ASIC2: variants seen among roughly 807,000 people sequenced by gnomAD.
ASIC2 encodes acid sensing ion channel subunit 2.
ASIC2 carries 25 observed loss-of-function variants against 57.3 expected under a neutral mutation model. The observed-to-expected ratio is 0.44, with a 90% CI of 0.32 to 0.61. ASIC2 has a LOEUF of 0.61. Ranked by LOEUF, ASIC2 falls within the 20% of genes least tolerant of loss-of-function variation. ASIC2 has a pLI of 0.06. For missense variants in ASIC2, 641 were observed against 738.1 expected (o/e 0.87, Z 1.52); for synonymous variants, 319 against 307.5 (o/e 1.04, Z -0.39).
chr17:33,534,894 A>G (rs1196574953), intron 1 of ASIC2, among the ~76,000 whole-genome samples: 4 of 152,226 alleles, frequency 2.6e-5, no homozygotes, highest in Non-Finnish European at 5.9e-5. Context: ...GAAAATCAGG[A>G]GGTTGGAATG....
At chr17:33,468,320 C>T (rs1369638597) in intron 1 of ASIC2, among the ~76,000 whole-genome samples, 2 of 152,246 alleles carry the variant, frequency 1.3e-5, no homozygotes, top group East Asian at 1.9e-4. Flanking sequence ...TCCATGTTCT[C>T]CCCTCTGTAT....
At chr17:33,398,851 T>G (rs1910177095) in intron 1 of ASIC2, among the ~76,000 whole-genome samples, 1 of 152,166 alleles carries the variant, frequency 6.6e-6, no homozygotes, top group Non-Finnish European at 1.5e-5. Context: ...AACTCAAGTC[T>G]TATTGTCCAG....
At chr17:33,980,415 C>T (rs551524884) in intron 1 of ASIC2, among the ~76,000 whole-genome samples, 9 of 151,640 alleles carry the variant, frequency 5.9e-5, no homozygotes, top group Admixed American at 2.0e-4. Context: ...ACTCAGTGGG[C>T]GAGAAGAAAG....
rs1245512298 is a variant in ASIC2 at position 34,039,297 on chromosome 17, C to A, written c.555+116681G>T. 5 of 1,613,924 alleles carry A rather than the reference C, an allele frequency of 3.1e-6. No individual in the cohort carries two copies. In the East Asian group the frequency reaches 8.9e-5, roughly 29 times the overall value. Reference sequence around the variant, plus strand: ...TCTGTTTTTGGGAGCTGCAGGAATGCTCTGTGTTGCCAGATCCCGTAGATG... The same window carrying A: ...TCTGTTTTTGGGAGCTGCAGGAATGATCTGTGTTGCCAGATCCCGTAGATG... On this transcript the variant is annotated intron_variant, in intron 1 of 9. Transcript: ENST00000359872.
intron 1 of ASIC2, among the ~76,000 whole-genome samples, chr17:33,131,207 C>T (rs2092344838): frequency 6.6e-6 from 1 of 152,062 alleles, no homozygotes; most frequent in Non-Finnish European, 1.5e-5. Context: ...CCACTGGAGG[C>T]TCATATTTCT....
chr17:33,104,078 T>C, intron 2 of ASIC2, among the ~76,000 whole-genome samples: 1 of 152,212 alleles, frequency 6.6e-6, no homozygotes, highest in Non-Finnish European at 1.5e-5. Context: ...CTCAGCCTCG[T>C]GTAATCTGCC....
chr17:33,097,181 C>T (rs2092184940), intron 2 of ASIC2, among the ~76,000 whole-genome samples: 1 of 152,158 alleles, frequency 6.6e-6, no homozygotes, highest in African/African-American at 2.4e-5. Context: ...TGGTTTGGGT[C>T]CTTTGGGGCT....
chr17:33,440,301 C>A (rs1911779927), intron 1 of ASIC2, among the ~76,000 whole-genome samples: 1 of 152,172 alleles, frequency 6.6e-6, no homozygotes, highest in Non-Finnish European at 1.5e-5. Flanking sequence ...TAGCATGTAC[C>A]AGTGCTTCAC....
intron 1 of ASIC2, among the ~76,000 whole-genome samples, chr17:34,114,214 T>C (rs890678329): frequency 6.6e-6 from 1 of 152,206 alleles, no homozygotes; most frequent in Non-Finnish European, 1.5e-5. Context: ...CTGCACCTAG[T>C]TGAATGAAAC....
rs545178665 is a variant in ASIC2, at chr17:33,790,012, A to C, written c.555+365966T>G. ...CTGAGCCAGAAGCTCTGTATGGAAAATTCTTCCAATGATGAGACATGGAAA... is the reference window on the plus strand; with the variant it reads ...CTGAGCCAGAAGCTCTGTATGGAAACTTCTTCCAATGATGAGACATGGAAA... On this transcript the variant is annotated intron_variant, in intron 1 of 9. Transcript: ENST00000359872. 4.6e-5 allele frequency among the ~76,000 whole-genome samples: 7 copies of C among 152,358 alleles called. No individual in the cohort carries two copies. In the East Asian group the frequency reaches 1.3e-3, roughly 29 times the overall value.
chr17:33,310,637 T>C (rs1906372341), intron 1 of ASIC2, among the ~76,000 whole-genome samples: 1 of 152,204 alleles, frequency 6.6e-6, no homozygotes, highest in African/African-American at 2.4e-5. Flanking sequence ...GGTTTGATCC[T>C]TACCTTGTAT....
intron 1 of ASIC2, among the ~76,000 whole-genome samples, chr17:33,334,290 T>A (rs1907429546): frequency 6.6e-6 from 1 of 152,170 alleles, no homozygotes; most frequent in Non-Finnish European, 1.5e-5. Context: ...ATAATGAAAC[T>A]GAGGCTCAGA....
rs573685717 is a variant in ASIC2, at chr17:33,263,823, G to A, written c.708+27585C>T. On this transcript the variant is annotated intron_variant, in intron 1 of 9. Transcript: ENST00000225823. ...GAAGAATTCCTAAAGCATGGTGCCC[G>A]GTTCCTCTCCATGCTCCCCTTCTGC... Among the ~76,000 whole-genome samples the A allele has an allele frequency of 2.9e-3, 449 of 152,346 alleles. 1 individual carries two copies. Among genetic ancestry groups the A allele is most frequent in the Middle Eastern group, 0.01 (3 of 294 alleles).
intron 1 of ASIC2, among the ~76,000 whole-genome samples, chr17:33,685,892 T>A (rs1306978374): frequency 6.6e-6 from 1 of 151,852 alleles, no homozygotes; most frequent in Admixed American, 6.6e-5. Flanking sequence ...AGGCAGGAGG[T>A]TATGCGGAAG....
chr17:33,202,078 A>T (rs1906891191), intron 1 of ASIC2, among the ~76,000 whole-genome samples: 1 of 151,902 alleles, frequency 6.6e-6, no homozygotes, highest in Non-Finnish European at 1.5e-5. Context: ...GCCGTCTAAC[A>T]CTACTGGCTT....
At chr17:34,020,435 G>A (rs1303589076) in intron 1 of ASIC2, among the ~76,000 whole-genome samples, 4 of 152,162 alleles carry the variant, frequency 2.6e-5, no homozygotes, top group Admixed American at 6.5e-5. Flanking sequence ...GGGAGATCAT[G>A]GGAGGTAGTT....
chr17:33,834,669 G>A (rs1295114691), intron 1 of ASIC2: 2 of 152,208 alleles, frequency 1.3e-5, no homozygotes, highest in African/African-American at 4.8e-5. Flanking sequence ...AAGGTATAAG[G>A]TAACCAATGA....
At chr17:33,448,484 A>G (rs1175874061) in intron 1 of ASIC2, among the ~76,000 whole-genome samples, 3 of 152,236 alleles carry the variant, frequency 2.0e-5, no homozygotes, top group African/African-American at 7.2e-5. Context: ...TGTCCTTATA[A>G]GAGAGAGGCA....
intron 1 of ASIC2, among the ~76,000 whole-genome samples, chr17:33,589,033 T>C (rs1904740412): frequency 6.6e-6 from 1 of 152,254 alleles, no homozygotes; most frequent in African/African-American, 2.4e-5. Context: ...AATATCTATT[T>C]CATTACTTAA....
Sources: allele counts gnomAD v4.1 joint callset (sites outside exome capture counted in the v4.1 genomes callset), GRCh38; gene constraint gnomAD v4.1.1; transcripts MANE v1.5; gene names NCBI Gene and HGNC (gene_info 2026-07-23, HGNC 2026-07-21).